The following AGMO variants were observed in gnomAD, a reference collection of about 807,000 sequenced individuals.
The protein encoded by AGMO is alkylglycerol monooxygenase, also known as glyceryl-ether monooxygenase.
AGMO carries 75 observed loss-of-function variants against 60.2 expected under a neutral mutation model. That is an observed-to-expected ratio of 1.25 (90% CI 1.03 to 1.51). AGMO has a LOEUF of 1.51. Ranked by LOEUF, AGMO falls within the 40% of genes most tolerant of loss-of-function variation. The pLI, the probability that AGMO is intolerant of heterozygous loss-of-function variation, is 0.00. For missense variants in AGMO, 763 were observed against 525.5 expected, an observed-to-expected ratio of 1.45 and a Z score of -4.42; for synonymous variants, 261 against 177.1, an observed-to-expected ratio of 1.47 and a Z score of -3.76.
At chr7:15,358,790 G>C (rs1484851330) in intron 12 of AGMO, among the ~76,000 whole-genome samples, 1 of 152,172 alleles carries the variant, frequency 6.6e-6, no homozygotes, top group Non-Finnish European at 1.5e-5. Flanking sequence ...GCGCCTCTCT[G>C]AGTTTTAGGT....
At chr7:15,182,592 T>C in the AGMO span, among the ~76,000 whole-genome samples, 1 of 152,076 alleles carries the variant, frequency 6.6e-6, no homozygotes, top group Non-Finnish European at 1.5e-5. Flanking sequence ...ATTTTTTGTA[T>C]TTCTGGTAGA....
At chr7:15,277,327 AAAT>A (rs1316585982) in intron 12 of AGMO, among the ~76,000 whole-genome samples, 29 of 144,898 alleles carry the variant, frequency 2.0e-4, no homozygotes, top group Non-Finnish European at 3.0e-4. Flanking sequence ...ATAAATAAAT[AAAT>A]AAATAAATAA....
In AGMO at chr7:15,358,871, G is replaced by A. The variant is rs530145422; in HGVS notation, c.1263+6643C>T. Among the ~76,000 whole-genome samples the A allele has an allele frequency of 5.7e-4, 87 of 152,174 alleles. No homozygotes were observed. In the South Asian group the frequency reaches 7.0e-3, roughly 12 times the overall value. On this transcript the variant is annotated intron_variant, in intron 12 of 12. Coordinates refer to ENST00000342526, the MANE Select transcript of AGMO (RefSeq NM_001004320.2). ...AAGTATTGGGGATGATGACCTAAATGTAACATTTTTAAAATAAAGCAGGGG... is the reference window on the plus strand; with the variant it reads ...AAGTATTGGGGATGATGACCTAAATATAACATTTTTAAAATAAAGCAGGGG...
intron 3 of AGMO, among the ~76,000 whole-genome samples, chr7:15,454,274 T>C (rs985478767): frequency 2.6e-5 from 4 of 152,042 alleles, no homozygotes; most frequent in African/African-American, 9.7e-5. Context: ...CTGTCTTGTA[T>C]ACTTGAAATT....
intron 12 of AGMO, among the ~76,000 whole-genome samples, chr7:15,244,007 C>T (rs1782669700): frequency 6.6e-6 from 1 of 152,118 alleles, no homozygotes; most frequent in African/African-American, 2.4e-5. Context: ...TGAAACATCC[C>T]TCCACTCTGC....
the AGMO span, among the ~76,000 whole-genome samples, chr7:15,155,267 C>T: frequency 1.3e-5 from 2 of 152,052 alleles, no homozygotes; most frequent in Admixed American, 1.3e-4. Flanking sequence ...TTACATAATC[C>T]TATATTTCCT....
chr7:15,393,482 A>G (rs1209028135), intron 6 of AGMO, among the ~76,000 whole-genome samples: 3 of 152,208 alleles, frequency 2.0e-5, no homozygotes, highest in Non-Finnish European at 4.4e-5. Flanking sequence ...ACTGCTGAAA[A>G]ACATTTGAAT....
Position 15,369,875 on chromosome 7 carries a change from A to G in AGMO, c.1075-3653T>C, listed in dbSNP as rs544503855. 2.0e-5 allele frequency among the ~76,000 whole-genome samples: 3 copies of G among 152,254 alleles called. No individual in the cohort carries two copies. In the East Asian group the frequency reaches 5.8e-4, roughly 29 times the overall value. On this transcript the variant is annotated intron_variant, in intron 10 of 12. Coordinates refer to ENST00000342526, the MANE Select transcript of AGMO (RefSeq NM_001004320.2). ...AATGTTATTACATTGCTAATATGTT[A>G]TTTTGGGAAAACTGAATCTATTTCA... is the stretch of plus-strand genomic sequence containing the variant.
At chr7:15,480,983 G>C (rs1782732831) in intron 3 of AGMO, among the ~76,000 whole-genome samples, 1 of 151,896 alleles carries the variant, frequency 6.6e-6, no homozygotes, top group African/African-American at 2.4e-5. Flanking sequence ...TAAACATTAT[G>C]TTTATACACA....
chr7:15,333,603 A>T (rs1236640320), intron 12 of AGMO, among the ~76,000 whole-genome samples: 5 of 123,332 alleles, frequency 4.1e-5, no homozygotes, highest in South Asian at 2.3e-4. Flanking sequence ...TACTGAATTT[A>T]AAAAAAAAAA....
At chr7:15,547,254 C>T (rs1459008041) in intron 2 of AGMO, among the ~76,000 whole-genome samples, 1 of 152,108 alleles carries the variant, frequency 6.6e-6, no homozygotes, top group Non-Finnish European at 1.5e-5. Context: ...GCAAAATTTT[C>T]CCCAGTTGAT....
In AGMO at chr7:15,347,558, G is replaced by A. The variant is rs192745932; in HGVS notation, c.1263+17956C>T. Among the ~76,000 whole-genome samples the A allele has an allele frequency of 2.6e-3, 395 of 151,664 alleles. 1 individual carries two copies. Among genetic ancestry groups the A allele is most frequent in the Middle Eastern group, 0.02 (6 of 294 alleles). ...TATAGCTTAAAATAATTAAAACCTC[G>A]CCTAGAAGATAATTCATGACTCAAA... On this transcript the variant is annotated intron_variant, in intron 12 of 12. Coordinates refer to ENST00000342526, the MANE Select transcript of AGMO (RefSeq NM_001004320.2).
intron 12 of AGMO, among the ~76,000 whole-genome samples, chr7:15,363,366 G>A (rs909292412): frequency 3.9e-5 from 6 of 152,256 alleles, no homozygotes; most frequent in Admixed American, 3.3e-4. Flanking sequence ...AACTTTTGTG[G>A]AGCACTTACT....
intron 10 of AGMO, among the ~76,000 whole-genome samples, chr7:15,367,255 T>TA (rs35957600): frequency 2.4e-4 from 37 of 151,644 alleles, no homozygotes; most frequent in African/African-American, 7.0e-4. Flanking sequence ...GATAATTTTT[T>TA]AAAAAAAATT....
At chr7:15,278,044 G>A (rs1783849629) in intron 12 of AGMO, among the ~76,000 whole-genome samples, 1 of 152,078 alleles carries the variant, frequency 6.6e-6, no homozygotes, top group African/African-American at 2.4e-5. Context: ...TGGTCCCAGG[G>A]CTCATGACTC....
chr7:15,358,552 G>A (rs547884597), intron 12 of AGMO: 2 of 388,824 alleles, frequency 5.1e-6, no homozygotes, highest in Admixed American at 3.3e-5. Flanking sequence ...CTTAGATGCA[G>A]GTGGGATTTT....
intron 12 of AGMO, among the ~76,000 whole-genome samples, chr7:15,293,501 C>T (rs1240885016): frequency 6.6e-6 from 1 of 151,956 alleles, no homozygotes; most frequent in African/African-American, 2.4e-5. Context: ...TTCAGATTAC[C>T]TCTATGCACC....
intron 12 of AGMO, among the ~76,000 whole-genome samples, chr7:15,277,465 T>G (rs564110938): frequency 1.3e-5 from 2 of 152,204 alleles, no homozygotes; most frequent in Admixed American, 1.3e-4. Context: ...AGAATTCTTA[T>G]GCTGATCCCT....
intron 12 of AGMO, among the ~76,000 whole-genome samples, chr7:15,309,796 C>T (rs1435219250): frequency 1.3e-5 from 2 of 152,008 alleles, no homozygotes; most frequent in African/African-American, 4.8e-5. Context: ...TGCCTAATGT[C>T]CCTCAATCAA....
Sources: gnomAD v4.1 joint callset for allele counts (sites outside exome capture counted in the v4.1 genomes callset) on GRCh38, gnomAD v4.1.1 for gene constraint, MANE v1.5 for transcripts, NCBI Gene and HGNC (gene_info 2026-07-23, HGNC 2026-07-21) for gene names.